XPA: variants seen among roughly 807,000 people sequenced by gnomAD.
The protein encoded by XPA is DNA repair protein complementing XP-A cells.
XPA carries 27 observed loss-of-function variants against 35.7 expected under a neutral mutation model. The observed-to-expected ratio is 0.76, with a 90% CI of 0.56 to 1.04. XPA has a LOEUF of 1.04. Ranked by LOEUF, XPA falls within the 50% of genes least tolerant of loss-of-function variation. XPA has a pLI of 0.00. For missense variants in XPA, 354 were observed against 342.7 expected, an observed-to-expected ratio of 1.03 and a Z score of -0.26; for synonymous variants, 133 against 118.4, an observed-to-expected ratio of 1.12 and a Z score of -0.80.
At chr9:97,661,166 C>G in the XPA span, 1 of 1,477,356 alleles carries the variant, frequency 6.8e-7, no homozygotes, top group Middle Eastern at 2.0e-4. Flanking sequence ...AGCAATATAT[C>G]TATATCTGTT....
At chr9:97,682,431 CTAAAG>C (rs773522135) in intron 5 of XPA, 1 of 518,930 alleles carries the variant, frequency 1.9e-6, no homozygotes, top group Non-Finnish European at 3.8e-6. Context: ...GGAACAACCT[CTAAAG>C]TAAATCAACA....
At position 97,697,323 on chromosome 9, in the gene XPA, GC is replaced by G; in HGVS notation, c.-32del. The G allele has an allele frequency of 1.3e-6, 2 of 1,596,336 alleles. No homozygotes were observed. Among genetic ancestry groups the G allele is most frequent in the Non-Finnish European group, 1.7e-6 (2 of 1,178,864 alleles). The stretch of plus-strand genomic sequence containing the variant: ...GCCCACTCCGAGGACCTAGCTCCCA[GC>G]TCCACGCACGCGCACTGCACGCCGA... On this transcript the variant is annotated 5_prime_UTR_variant, in exon 1 of 6. Coordinates refer to ENST00000375128, the MANE Select transcript of XPA (RefSeq NM_000380.4).
intron 4 of XPA, among the ~76,000 whole-genome samples, chr9:97,686,023 T>C (rs1266097403): frequency 6.6e-6 from 1 of 152,234 alleles, no homozygotes; most frequent in African/African-American, 2.4e-5. Context: ...TTGATTTTAA[T>C]CAGCGGCATT....
chr9:97,656,962 T>G, the XPA span, among the ~76,000 whole-genome samples: 11 of 151,658 alleles, frequency 7.3e-5, no homozygotes, highest in African/African-American at 2.7e-4. Flanking sequence ...GGAGTGTTTT[T>G]TTTGTTTTGT....
chr9:97,694,570 A>G (rs768194936), intron 1 of XPA, among the ~76,000 whole-genome samples: 56 of 152,262 alleles, frequency 3.7e-4, no homozygotes, highest in Non-Finnish European at 8.8e-5. Context: ...ATGAAGTATC[A>G]TTAGACTCTC....
intron 2 of XPA, among the ~76,000 whole-genome samples, chr9:97,690,526 T>TAC (rs1828855070): frequency 6.6e-6 from 1 of 152,166 alleles, no homozygotes; most frequent in Admixed American, 6.5e-5. Flanking sequence ...TAGCTGGGAT[T>TAC]ACAGGCACGC....
In XPA at chr9:97,675,004, C is replaced by T. The variant is rs1489001503; in HGVS notation, c.*435G>A. On this transcript the variant is annotated 3_prime_UTR_variant, in exon 6 of 6. Transcript: ENST00000375128. ...CACCATCGTGGAGACAGAAATCGTC[C>T]TAAAAAACACATGACTAGAACCTGG... The T allele has an allele frequency of 1.9e-6, 1 of 526,642 alleles. No homozygotes were observed. Among genetic ancestry groups the T allele is most frequent in the Admixed American group, 2.2e-5 (1 of 44,756 alleles). 32.6% of individuals were successfully genotyped at this position (526,642 alleles called of 1,614,324 possible).
At chr9:97,660,362 T>C in the XPA span, among the ~76,000 whole-genome samples, 1 of 152,214 alleles carries the variant, frequency 6.6e-6, no homozygotes, top group Non-Finnish European at 1.5e-5. Flanking sequence ...TAATAAGGAC[T>C]CAACTGATAC....
intron 2 of XPA, among the ~76,000 whole-genome samples, chr9:97,690,649 G>A (rs571141575): frequency 2.0e-5 from 3 of 152,084 alleles, no homozygotes; most frequent in South Asian, 2.1e-4. Flanking sequence ...GCCTCCCAAA[G>A]TGCTGGGATT....
chr9:97,656,957 GTTTTTTTTGT>G, the XPA span, among the ~76,000 whole-genome samples: 16 of 151,724 alleles, frequency 1.1e-4, no homozygotes, highest in Non-Finnish European at 2.2e-4. Flanking sequence ...GGTCTGGAGT[GTTTTTTTTGT>G]TTTGTTTTGT....
chr9:97,684,877 A>G, intron 5 of XPA, 46 bp downstream of exon 5: 1 of 1,531,726 alleles, frequency 6.5e-7, no homozygotes. Flanking sequence ...GCTTTTTGCA[A>G]AATGGTAAAA....
the XPA span, chr9:97,662,270 G>A: frequency 1.2e-5 from 8 of 670,930 alleles, no homozygotes; most frequent in Admixed American, 2.7e-5. Flanking sequence ...TGGACACAGT[G>A]GGTTTGGGTT....
At chr9:97,686,951 G>T in intron 4 of XPA, 145 bp downstream of exon 4, 1 of 741,304 alleles carries the variant, frequency 1.3e-6, no homozygotes, top group Non-Finnish European at 2.2e-6. Context: ...GTTATTAAAT[G>T]TCATTATACA....
the XPA span, among the ~76,000 whole-genome samples, chr9:97,661,502 C>T: frequency 3.3e-5 from 5 of 152,212 alleles, no homozygotes; most frequent in African/African-American, 1.2e-4. Context: ...GGAAAATTGA[C>T]AAAATAATTT....
chr9:97,690,288 G>A (rs928988669), intron 2 of XPA, among the ~76,000 whole-genome samples: 1 of 152,206 alleles, frequency 6.6e-6, no homozygotes, highest in African/African-American at 2.4e-5. Flanking sequence ...TCAGCTCAGT[G>A]TAACCTCCAC....
intron 5 of XPA, among the ~76,000 whole-genome samples, chr9:97,682,888 C>A (rs1030170386): frequency 1.3e-5 from 2 of 152,074 alleles, no homozygotes; most frequent in African/African-American, 4.8e-5. Context: ...ATATATGCCA[C>A]ATAGAATTCT....
intron 1 of XPA, among the ~76,000 whole-genome samples, chr9:97,696,062 G>A (rs1477622876): frequency 6.6e-6 from 1 of 152,130 alleles, no homozygotes. Flanking sequence ...GGAATAAAAG[G>A]TAACCACTAT....
the XPA span, chr9:97,666,917 T>C: frequency 5.9e-6 from 8 of 1,349,780 alleles, no homozygotes; most frequent in African/African-American, 1.5e-5. Flanking sequence ...AAAGAAAATA[T>C]ACCAGAAACT....
rs1346632887 is a variant in XPA, at chr9:97,674,980, A to G, written c.*459T>C. 8 of 524,116 alleles carry G rather than the reference A, an allele frequency of 1.5e-5. No individual in the cohort carries two copies. The East Asian group carries it at 2.9e-4, about 19-fold the overall frequency. 32.5% of individuals were successfully genotyped at this position (524,116 alleles called of 1,614,324 possible). A position where few individuals can be genotyped will look rare whatever the true frequency, so the allele number is the denominator to read the frequency against. ...CCAGCAGTAGTTCCCCACTGTTTCC[A>G]CCATCGTGGAGACAGAAATCGTCCT... On this transcript the variant is annotated 3_prime_UTR_variant, in exon 6 of 6. Coordinates refer to ENST00000375128, the MANE Select transcript of XPA (RefSeq NM_000380.4).
Sources: allele counts gnomAD v4.1 joint callset (sites outside exome capture counted in the v4.1 genomes callset), GRCh38; gene constraint gnomAD v4.1.1; transcripts MANE v1.5; gene names NCBI Gene and HGNC (gene_info 2026-07-23, HGNC 2026-07-21).